The following MAP3K8 variants were observed in gnomAD, a reference collection of about 807,000 sequenced individuals.
MAP3K8 encodes Ewing sarcoma transformant.
MAP3K8 carries 22 observed loss-of-function variants against 45.8 expected under a neutral mutation model. The ratio of observed to expected loss-of-function variants is 0.48; its 90% CI spans 0.34 to 0.69. The LOEUF is 0.69. Ranked by LOEUF, MAP3K8 falls within the 30% of genes least tolerant of loss-of-function variation. The pLI, the probability that MAP3K8 is intolerant of heterozygous loss-of-function variation, is 0.01. For synonymous variants in MAP3K8, 223 were observed against 214.3 expected (o/e 1.04, Z -0.36); for missense variants, 419 against 585.0 (o/e 0.72, Z 2.93).
In MAP3K8 at chr10:30,460,919, A is replaced by G. The variant is rs577616239; in HGVS notation, c.*83A>G. Reference sequence around the variant, plus strand: ...CTGCCTCTACACAGGGGCCCTGTACAGTGAATGGTGCCATTTTCGAAGGAG... The same window carrying G: ...CTGCCTCTACACAGGGGCCCTGTACGGTGAATGGTGCCATTTTCGAAGGAG... On this transcript the variant is annotated 3_prime_UTR_variant, in exon 9 of 9. Transcript: ENST00000263056. 4 of 1,518,254 alleles carry G rather than the reference A, an allele frequency of 2.6e-6. No individual in the cohort carries two copies. The South Asian group carries it at 5.0e-5, about 19-fold the overall frequency. The allele number at this position is 1,518,254 out of a possible 1,614,324, so 94.0% of individuals were successfully genotyped here.
intron 2 of MAP3K8, among the ~76,000 whole-genome samples, chr10:30,438,019 C>G (rs972654499): frequency 7.2e-5 from 11 of 152,290 alleles, no homozygotes; most frequent in African/African-American, 2.6e-4. Flanking sequence ...TACAGATCTC[C>G]AAGTGTGGCA....
At position 30,437,158 on chromosome 10, in the gene MAP3K8, C is replaced by G; in HGVS notation, c.-254-18C>G. ...AGGTTTCTGCCTTTTTTTTCTCTCT[C>G]TTTATGTCTTGTTTTAGATGCAATC... On this transcript the variant is annotated intron_variant, in intron 1 of 8. Coordinates refer to ENST00000263056, the MANE Select transcript of MAP3K8 (RefSeq NM_005204.4). The G allele has an allele frequency of 1.0e-6, 1 of 985,076 alleles. No individual in the cohort carries two copies. The highest frequency in any genetic ancestry group is 1.2e-6 in the Non-Finnish European group (1 of 829,826). The allele number at this position is 985,076 out of a possible 1,614,324, so 61.0% of individuals were successfully genotyped here. A position where few individuals can be genotyped will look rare whatever the true frequency, so the allele number is the denominator to read the frequency against.
At chr10:30,454,206 A>T (rs1836655777) in intron 6 of MAP3K8, among the ~76,000 whole-genome samples, 7 of 151,984 alleles carry the variant, frequency 4.6e-5, no homozygotes, top group Admixed American at 4.6e-4. Flanking sequence ...CTTTGGCTGC[A>T]CCTCTATGTC....
At chr10:30,437,971 G>A (rs1016690678) in intron 2 of MAP3K8, among the ~76,000 whole-genome samples, 13 of 152,190 alleles carry the variant, frequency 8.5e-5, no homozygotes, top group Admixed American at 2.6e-4. Flanking sequence ...GAGTAACAAC[G>A]TCAGTTTTTA....
At chr10:30,434,491 G>A in intron 1 of MAP3K8, 113 bp downstream of exon 1, 2 of 985,646 alleles carry the variant, frequency 2.0e-6, no homozygotes, top group African/African-American at 3.5e-5. Flanking sequence ...GAAAACTCTG[G>A]CGTGGGAAGA....
intron 7 of MAP3K8, among the ~76,000 whole-genome samples, chr10:30,458,588 T>A (rs1459080575): frequency 6.6e-6 from 1 of 152,266 alleles, no homozygotes; most frequent in Non-Finnish European, 1.5e-5. Context: ...TTATTATTAA[T>A]GTTCACACCA....
At chr10:30,448,815 C>T (rs910650162) in intron 4 of MAP3K8, among the ~76,000 whole-genome samples, 1 of 152,128 alleles carries the variant, frequency 6.6e-6, no homozygotes, top group Non-Finnish European at 1.5e-5. Context: ...ATTCACACCC[C>T]CTATGACTCA....
intron 8 of MAP3K8, among the ~76,000 whole-genome samples, chr10:30,459,753 T>G (rs1836869219): frequency 6.6e-6 from 1 of 152,224 alleles, no homozygotes; most frequent in African/African-American, 2.4e-5. Flanking sequence ...TGCTTCTGAC[T>G]TGCTTTTTTG....
intron 1 of MAP3K8, chr10:30,434,634 C>T: frequency 1.0e-6 from 1 of 985,916 alleles, no homozygotes; most frequent in Non-Finnish European, 1.2e-6. Context: ...CCCGTATCCG[C>T]AGCGCCAGGG....
chr10:30,446,178 C>T (rs1488944754), intron 3 of MAP3K8, among the ~76,000 whole-genome samples: 2 of 152,142 alleles, frequency 1.3e-5, no homozygotes, highest in Non-Finnish European at 2.9e-5. Context: ...TAGGCGTGAG[C>T]CACCGCACCT....
Position 30,460,788 on chromosome 10 carries a change from T to C in MAP3K8, c.1356T>C (p.Ala452=), listed in dbSNP as rs778530704. ...TCTACATCGACCTCGGCGCTCTGGCTGGCTACTTCAATCTTGTTCGGGGAC... is the reference window on the plus strand; with the variant it reads ...TCTACATCGACCTCGGCGCTCTGGCCGGCTACTTCAATCTTGTTCGGGGAC... ...RSLYIDLGAL[A]GYFNLVRGPP... is the part of the protein sequence containing the mutation. Residue 452 remains alanine (A), a synonymous_variant, in exon 9 of 9, where the codon GCT becomes GCC. Transcript: ENST00000263056. 1 of 1,614,108 alleles carries C rather than the reference T, an allele frequency of 6.2e-7. No individual in the cohort carries two copies. Among genetic ancestry groups the C allele is most frequent in the East Asian group, 2.2e-5 (1 of 44,890 alleles).
intron 2 of MAP3K8, among the ~76,000 whole-genome samples, chr10:30,438,245 T>G (rs1835976919): frequency 2.0e-5 from 3 of 152,236 alleles, no homozygotes. Flanking sequence ...ATAGGTTAAA[T>G]GTATCATCAT....
At chr10:30,446,906 T>C (rs1836359887) in intron 3 of MAP3K8, among the ~76,000 whole-genome samples, 1 of 152,124 alleles carries the variant, frequency 6.6e-6, no homozygotes, top group Non-Finnish European at 1.5e-5. Context: ...TATTTTAAAA[T>C]TTATATTGTG....
intron 6 of MAP3K8, among the ~76,000 whole-genome samples, chr10:30,456,141 G>T (rs957036943): frequency 6.6e-6 from 1 of 152,184 alleles, no homozygotes; most frequent in Non-Finnish European, 1.5e-5. Flanking sequence ...GAGAAGATAG[G>T]CATCCTCTAT....
chr10:30,454,456 T>C (rs1456038687), intron 6 of MAP3K8, among the ~76,000 whole-genome samples: 1 of 152,028 alleles, frequency 6.6e-6, no homozygotes, highest in East Asian at 1.9e-4. Context: ...TAGTCCCAGC[T>C]ACTCAAGAGA....
In MAP3K8 at chr10:30,439,180, T is replaced by C. The variant is rs1169193008; in HGVS notation, c.242T>C (p.Val81Ala). 6.2e-7 allele frequency: 1 copy of C among 1,614,096 alleles called. No individual in the cohort carries two copies. The highest frequency in any genetic ancestry group is 1.7e-5 in the Admixed American group (1 of 60,000). ...PWLSSVRYGTVEDLLAFANHI... is the reference protein window; with the variant it reads ...PWLSSVRYGTAEDLLAFANHI... ...TTGTCATCAGTCAGATATGGAACTG[T>C]GGAGGATTTGCTTGCTTTTGCAAAC... The change falls in exon 3 of 9, where the codon GTG (valine) becomes GCG (alanine). Residue 81 changes from valine to alanine, a missense_variant. Val to Ala is a moderately conservative substitution (Grantham distance 64). This residue lies in a region of MAP3K8 where 209 missense variants were observed against 367.3 expected (regional missense o/e 0.57). Coordinates refer to ENST00000263056, the MANE Select transcript of MAP3K8 (RefSeq NM_005204.4).
intron 8 of MAP3K8, 76 bp downstream of exon 8, chr10:30,459,577 A>T (rs996853180): frequency 4.6e-6 from 7 of 1,533,268 alleles, no homozygotes; most frequent in Non-Finnish European, 6.2e-6. Flanking sequence ...GATGTAGTTC[A>T]TGAAAGCACT....
At chr10:30,457,891 C>T (rs1229894076) in intron 6 of MAP3K8, among the ~76,000 whole-genome samples, 193 bp from the exon 7 acceptor site, 1 of 152,124 alleles carries the variant, frequency 6.6e-6, no homozygotes, top group African/African-American at 2.4e-5. Flanking sequence ...TAGGTGTGAG[C>T]CACCGCGCCC....
intron 6 of MAP3K8, among the ~76,000 whole-genome samples, chr10:30,452,772 T>A (rs953231702): frequency 6.6e-6 from 1 of 152,142 alleles, no homozygotes. Flanking sequence ...AATCTCCACC[T>A]CCTGGGTTCA....
Sources: gnomAD v4.1 joint callset for allele counts (sites outside exome capture counted in the v4.1 genomes callset) on GRCh38, gnomAD v4.1.1 for gene constraint, gnomAD v4.1.1 regional missense constraint, MANE v1.5 for transcripts, NCBI Gene and HGNC (gene_info 2026-07-23, HGNC 2026-07-21) for gene names.